Variants in DHRS7B observed in about 807,000 individuals in gnomAD.
The protein encoded by DHRS7B is peroxisomal reductase activating PPAR-gamma.
In DHRS7B, 24 loss-of-function variants were observed where a neutral mutation model predicts 26.4. That is an observed-to-expected ratio of 0.91 (90% CI 0.66 to 1.28). The LOEUF is 1.28. DHRS7B is among the 50% of genes most tolerant of loss of function. The pLI is 0.00. For missense variants in DHRS7B, 368 were observed against 419.4 expected (o/e 0.88, Z 1.07); for synonymous variants, 142 against 166.4 (o/e 0.85, Z 1.13).
At chr17:21,130,898 A>G (rs1222208800) in intron 1 of DHRS7B, among the ~76,000 whole-genome samples, 1 of 152,186 alleles carries the variant, frequency 6.6e-6, no homozygotes, top group Non-Finnish European at 1.5e-5. Context: ...GAAAATTGGG[A>G]TTGAATGGTG....
At chr17:21,159,854 C>T (rs1973962259) in intron 1 of DHRS7B, among the ~76,000 whole-genome samples, 2 of 136,328 alleles carry the variant, frequency 1.5e-5, no homozygotes, top group South Asian at 2.4e-4. Flanking sequence ...CAAAGCAAGA[C>T]CCTGTCTCAA....
intron 1 of DHRS7B, among the ~76,000 whole-genome samples, chr17:21,160,970 G>A (rs1973987195): frequency 6.6e-6 from 1 of 152,190 alleles, no homozygotes; most frequent in Non-Finnish European, 1.5e-5. Flanking sequence ...GAAAGGCTAT[G>A]TACCATATGT....
chr17:21,172,962 T>A (rs1409872285), intron 2 of DHRS7B, among the ~76,000 whole-genome samples: 1 of 152,204 alleles, frequency 6.6e-6, no homozygotes, highest in Non-Finnish European at 1.5e-5. Context: ...CACCATACCA[T>A]CTGCCATCCA....
intron 1 of DHRS7B, among the ~76,000 whole-genome samples, chr17:21,154,347 T>C (rs967609368): frequency 2.0e-5 from 3 of 151,908 alleles, no homozygotes; most frequent in Admixed American, 2.0e-4. Context: ...TCTCAGAAAT[T>C]ATGCAAATGA....
At chr17:21,155,111 G>A (rs756235339) in intron 1 of DHRS7B, among the ~76,000 whole-genome samples, 10 of 152,122 alleles carry the variant, frequency 6.6e-5, no homozygotes, top group Non-Finnish European at 1.3e-4. Flanking sequence ...AAAAATTAAC[G>A]AATATGGTAG....
intron 1 of DHRS7B, among the ~76,000 whole-genome samples, chr17:21,167,524 C>T (rs1974141513): frequency 6.6e-6 from 1 of 152,220 alleles, no homozygotes; most frequent in South Asian, 2.1e-4. Context: ...GTGACTATGA[C>T]TGCACACATT....
In DHRS7B at chr17:21,183,638, C is replaced by T; in HGVS notation, c.354C>T (p.Asp118=). The change falls in exon 4 of 7, where the codon GAC becomes GAT. Residue 118 remains aspartate (D), a synonymous_variant. Transcript: ENST00000395511. Reference sequence around the variant, plus strand: ...ACTTGGTGACCTTCGACCTCACAGACTCTGGGGCCATAGTTGCAGCAGCAG... The same window carrying T: ...ACTTGGTGACCTTCGACCTCACAGATTCTGGGGCCATAGTTGCAGCAGCAG... ...KPYLVTFDLT[D]SGAIVAAAAE... 2 of 1,613,964 alleles carry T rather than the reference C, an allele frequency of 1.2e-6. No individual in the cohort carries two copies.
At chr17:21,171,988 C>CTGCT in intron 1 of DHRS7B, 30 bp from the exon 2 acceptor site, 1 of 1,614,036 alleles carries the variant, frequency 6.2e-7, no homozygotes, top group Non-Finnish European at 8.5e-7. Context: ...GCTACTTTGT[C>CTGCT]ACTGGTGTGT....
chr17:21,174,471 A>T (rs905584785), intron 2 of DHRS7B, among the ~76,000 whole-genome samples: 1 of 152,186 alleles, frequency 6.6e-6, no homozygotes, highest in Non-Finnish European at 1.5e-5. Context: ...AGCCCTTCAT[A>T]TATCGTACCT....
At chr17:21,138,101 T>TACACACACACACACACACACACAC (rs370861401) in intron 1 of DHRS7B, among the ~76,000 whole-genome samples, 1 of 86,112 alleles carries the variant, frequency 1.2e-5, no homozygotes, top group African/African-American at 5.6e-5. Context: ...TATATATATA[T>TACACACACACACACACACACACAC]ACACACACAC....
At chr17:21,160,903 A>G (rs574275519) in intron 1 of DHRS7B, among the ~76,000 whole-genome samples, 17 of 152,364 alleles carry the variant, frequency 1.1e-4, no homozygotes, top group African/African-American at 3.6e-4. Context: ...CTATGAAGCT[A>G]TGAAAAGACA....
In DHRS7B at chr17:21,184,392, A is replaced by C. The variant is rs2144211536; in HGVS notation, c.548A>C (p.Lys183Thr). The change falls in exon 5 of 7, where the codon AAG becomes ACG. Residue 183 changes from lysine to threonine, a missense_variant. Transcript: ENST00000395511. Reference protein sequence around the residue: ...LTKALLPSMIKRRQGHIVAIS... With the variant: ...LTKALLPSMITRRQGHIVAIS... ...TCAGCACTCCTGCCCTCCATGATCA[A>C]GAGGAGGCAAGGCCACATTGTCGCC... is the stretch of plus-strand genomic sequence containing the variant. 6.2e-7 allele frequency: 1 copy of C among 1,614,214 alleles called. No individual in the cohort carries two copies.
rs991429907 is a variant in DHRS7B at position 21,188,974 on chromosome 17, T to C, written c.772+111T>C. On this transcript the variant is annotated intron_variant, in intron 6 of 6. Coordinates refer to ENST00000395511, the MANE Select transcript of DHRS7B (RefSeq NM_015510.5). ...GTCATTTTCATTTGGAAGAGAACTTTTAAAGTGAAAAAAACTTGACAGAGG... is the reference window on the plus strand; with the variant it reads ...GTCATTTTCATTTGGAAGAGAACTTCTAAAGTGAAAAAAACTTGACAGAGG... The C allele has an allele frequency of 4.2e-5, 61 of 1,465,366 alleles. No homozygotes were observed. The Admixed American group carries it at 6.5e-4, about 16-fold the overall frequency. 90.8% of individuals were successfully genotyped at this position (1,465,366 alleles called of 1,614,324 possible). A position where few individuals can be genotyped will look rare whatever the true frequency, so the allele number is the denominator to read the frequency against.
At position 21,181,703 on chromosome 17, in the gene DHRS7B, A is replaced by G. The variant is rs529937684; in HGVS notation, c.310-1891A>G. Reference sequence around the variant, plus strand: ...AACCATAGCATATTTAATTTTTTTAACTGCTACTGTAAATAGAATTGCTTT... The same window carrying G: ...AACCATAGCATATTTAATTTTTTTAGCTGCTACTGTAAATAGAATTGCTTT... On this transcript the variant is annotated intron_variant, in intron 3 of 6. Coordinates refer to ENST00000395511, the MANE Select transcript of DHRS7B (RefSeq NM_015510.5). 9.2e-5 allele frequency among the ~76,000 whole-genome samples: 14 copies of G among 152,250 alleles called. No homozygotes were observed. The South Asian group carries it at 2.3e-3, about 25-fold the overall frequency.
intron 1 of DHRS7B, chr17:21,128,642 T>C (rs2143830633): frequency 6.6e-6 from 1 of 151,932 alleles, no homozygotes; most frequent in South Asian, 2.1e-4. Flanking sequence ...GAGCTTGCAG[T>C]GAGCCGAGAT....
rs773206705 is a variant in DHRS7B, at chr17:21,191,056, C to T, written c.881C>T (p.Pro294Leu). 1.9e-6 allele frequency: 3 copies of T among 1,614,276 alleles called. No individual in the cohort carries two copies. The highest frequency in any genetic ancestry group is 2.5e-6 in the Non-Finnish European group (3 of 1,180,058). The change falls in exon 7 of 7, where the codon CCT (proline) becomes CTT (leucine). Residue 294 changes from proline to leucine, a missense_variant. Coordinates refer to ENST00000395511, the MANE Select transcript of DHRS7B (RefSeq NM_015510.5). ...KKDVILADLL[P>L]SLAVYLRTLA... ...GATGTGATCCTGGCTGACTTACTGC[C>T]TTCCTTGGCTGTTTATCTTCGAACT...
chr17:21,190,409 G>C (rs1160112765), intron 6 of DHRS7B, among the ~76,000 whole-genome samples: 1 of 152,162 alleles, frequency 6.6e-6, no homozygotes, highest in Admixed American at 6.5e-5. Flanking sequence ...AGGGACATCT[G>C]TCTGCTCCTG....
At chr17:21,178,198 A>G in intron 2 of DHRS7B, 35 bp from the exon 3 acceptor site, 3 of 1,596,036 alleles carry the variant, frequency 1.9e-6, no homozygotes, top group Non-Finnish European at 1.7e-6. Flanking sequence ...GCACTGAGGA[A>G]GAATGGCTGT....
intron 5 of DHRS7B, among the ~76,000 whole-genome samples, chr17:21,184,898 A>G (rs974537382): frequency 3.3e-5 from 5 of 152,234 alleles, no homozygotes; most frequent in African/African-American, 1.2e-4. Flanking sequence ...CAAACATGCA[A>G]AAATGGAATG....
Sources: gnomAD v4.1 joint callset for allele counts (sites outside exome capture counted in the v4.1 genomes callset) on GRCh38, gnomAD v4.1.1 for gene constraint, MANE v1.5 for transcripts, NCBI Gene and HGNC (gene_info 2026-07-23, HGNC 2026-07-21) for gene names.